The following ZNF326 variants were observed in gnomAD, a reference collection of about 807,000 sequenced individuals.
The protein encoded by ZNF326 is zinc finger protein 326, also known as DBIRD complex subunit ZNF326.
In ZNF326, 30 loss-of-function variants were observed where a neutral mutation model predicts 63.1. That is an observed-to-expected ratio of 0.48 (90% confidence interval 0.36 to 0.64). The LOEUF (loss-of-function observed/expected upper bound fraction) is 0.64. Ranked by LOEUF, ZNF326 falls within the 30% of genes least tolerant of loss-of-function variation. ZNF326 has a pLI of 0.00. For synonymous variants in ZNF326, 194 were observed against 228.2 expected, an observed-to-expected ratio of 0.85 and a Z score of 1.35; for missense variants, 609 against 720.3, an observed-to-expected ratio of 0.85 and a Z score of 1.77.
rs941512482 is a variant in ZNF326 at position 90,030,669 on chromosome 1, C to CT, written c.*2983dup. 0.034 allele frequency: 4,787 copies of CT among 141,520 alleles called. 77 individuals are homozygous for CT. The highest frequency in any genetic ancestry group is 0.043 in the Non-Finnish European group (2,759 of 64,476). The allele number at this position is 141,520 out of a possible 1,614,324, so 8.8% of individuals were successfully genotyped here. On this transcript the variant is annotated 3_prime_UTR_variant, in exon 12 of 12. Transcript: ENST00000340281. Reference sequence around the variant, plus strand: ...TCTTTGGAGGTGTTCTTTTTTTCTACTTTTTTTTTTTTTTTCTTTAGGTTC... The same window carrying CT: ...TCTTTGGAGGTGTTCTTTTTTTCTACTTTTTTTTTTTTTTTTCTTTAGGTTC...
chr1:90,010,348 T>C, intron 6 of ZNF326, 62 bp downstream of exon 6: 2 of 1,520,962 alleles, frequency 1.3e-6, no homozygotes, highest in Non-Finnish European at 1.8e-6. Flanking sequence ...AATTCCATAC[T>C]TTTTGGTAAT....
intron 1 of ZNF326, among the ~76,000 whole-genome samples, chr1:89,997,303 A>G (rs1648425273): frequency 6.6e-6 from 1 of 152,214 alleles, no homozygotes; most frequent in African/African-American, 2.4e-5. Context: ...GTTTTCAGTG[A>G]TGACACATTC....
At chr1:90,011,983 T>C (rs1321180627) in intron 6 of ZNF326, among the ~76,000 whole-genome samples, 1 of 152,086 alleles carries the variant, frequency 6.6e-6, no homozygotes, top group Non-Finnish European at 1.5e-5. Flanking sequence ...ACTACAGATG[T>C]GCACCACCAC....
intron 5 of ZNF326, among the ~76,000 whole-genome samples, chr1:90,009,754 G>C (rs1483562540): frequency 2.6e-5 from 4 of 152,112 alleles, no homozygotes; most frequent in Non-Finnish European, 5.9e-5. Flanking sequence ...CTGAAGAGGA[G>C]TTGTCAGAGA....
At position 90,007,770 on chromosome 1, in the gene ZNF326, T is replaced by C. The variant is rs1438646545; in HGVS notation, c.615+20T>C. On this transcript the variant is annotated intron_variant, in intron 5 of 11. Coordinates refer to ENST00000340281, the MANE Select transcript of ZNF326 (RefSeq NM_182976.4). The surrounding 1 kb of genome is among the most constrained non-coding windows in gnomAD (Gnocchi z 4.9). ...CGAGGAGTAAGTACAACAGAATCTTTTCAGATTCTTTTCACTAGTCACTCT... is the reference window on the plus strand; with the variant it reads ...CGAGGAGTAAGTACAACAGAATCTTCTCAGATTCTTTTCACTAGTCACTCT... 2.0e-6 allele frequency: 3 copies of C among 1,479,662 alleles called. No homozygotes were observed. The highest frequency in any genetic ancestry group is 2.7e-6 in the Non-Finnish European group (3 of 1,113,002). The allele number at this position is 1,479,662 out of a possible 1,614,324, so 91.7% of individuals were successfully genotyped here.
rs1300718766 is a variant in ZNF326, at chr1:90,027,683, G to T, written c.1731G>T (p.Glu577Asp). 1.2e-6 allele frequency: 2 copies of T among 1,613,976 alleles called. No homozygotes were observed. Among genetic ancestry groups the T allele is most frequent in the South Asian group, 2.2e-5 (2 of 91,072 alleles). Residue 577 changes from glutamate to aspartate, a missense_variant, in exon 12 of 12, where the codon GAG (glutamate) becomes GAT (aspartate). Physicochemically the swap from Glu to Asp is conservative, Grantham distance 45. This residue lies in a region of ZNF326 where 399 missense variants were observed against 444.3 expected (regional missense o/e 0.90). Transcript: ENST00000340281. ...AAGAACCTGCTGACTTCCCTGTTGA[G>T]CAACCTGAAGAAAATTAAATATAAG... ...AKEEPADFPV[E>D]QPEEN
At chr1:90,016,038 A>T (rs1649487710) in intron 7 of ZNF326, among the ~76,000 whole-genome samples, 1 of 152,140 alleles carries the variant, frequency 6.6e-6, no homozygotes, top group African/African-American at 2.4e-5. Context: ...TTTGGAGCTT[A>T]TGGAGCTAAT....
intron 2 of ZNF326, among the ~76,000 whole-genome samples, chr1:89,999,516 CTT>C (rs1436957822): frequency 2.0e-5 from 3 of 152,078 alleles, no homozygotes; most frequent in Admixed American, 6.5e-5. Flanking sequence ...TCTAATATGA[CTT>C]TTATTTTTTC....
At chr1:90,022,538 C>G (rs1048648628) in intron 11 of ZNF326, among the ~76,000 whole-genome samples, 193 bp downstream of exon 11, 1 of 152,146 alleles carries the variant, frequency 6.6e-6, no homozygotes, top group South Asian at 2.1e-4. Context: ...AGTGATTCCT[C>G]TCTTATCACC....
Position 90,034,879 on chromosome 1 carries a change from A to G in ZNF326, c.*7178A>G, listed in dbSNP as rs1421119377. On this transcript the variant is annotated 3_prime_UTR_variant, in exon 12 of 12. Coordinates refer to ENST00000340281, the MANE Select transcript of ZNF326 (RefSeq NM_182976.4). ...TTGAAACTGGTCATGTTGAAAAAAC[A>G]TGACCAATTAAATATCCCAAAATAA... 6.6e-6 allele frequency: 1 copy of G among 152,184 alleles called. No homozygotes were observed. Among genetic ancestry groups the G allele is most frequent in the Non-Finnish European group, 1.5e-5 (1 of 68,010 alleles). The allele number at this position is 152,184 out of a possible 1,614,324, so 9.4% of individuals were successfully genotyped here.
At chr1:90,017,876 G>C (rs2101081698) in intron 8 of ZNF326, among the ~76,000 whole-genome samples, 1 of 152,312 alleles carries the variant, frequency 6.6e-6, no homozygotes, top group South Asian at 2.1e-4. Context: ...TAATGTAGGA[G>C]TTTAGCAAAG....
chr1:90,024,313 A>G (rs1190993789), intron 11 of ZNF326, among the ~76,000 whole-genome samples: 2 of 152,208 alleles, frequency 1.3e-5, no homozygotes, highest in Non-Finnish European at 2.9e-5. Flanking sequence ...CTCCAACTGT[A>G]TCATCTTGTT....
rs1261286695 is a variant in ZNF326 at position 90,034,088 on chromosome 1, A to G, written c.*6387A>G. On this transcript the variant is annotated 3_prime_UTR_variant, in exon 12 of 12. Transcript: ENST00000340281. Reference sequence around the variant, plus strand: ...AAAAATCTCAAAATGTCTAAAGAGAAACAGTGTACCTATAAGGGGAAAAGA... The same window carrying G: ...AAAAATCTCAAAATGTCTAAAGAGAGACAGTGTACCTATAAGGGGAAAAGA... 6.6e-6 allele frequency: 1 copy of G among 152,168 alleles called. No individual in the cohort carries two copies. Among genetic ancestry groups the G allele is most frequent in the Non-Finnish European group, 1.5e-5 (1 of 67,998 alleles). 9.4% of individuals were successfully genotyped at this position (152,168 alleles called of 1,614,324 possible). A position where few individuals can be genotyped will look rare whatever the true frequency, so the allele number is the denominator to read the frequency against.
chr1:90,017,915 G>A (rs2101081760), intron 8 of ZNF326, among the ~76,000 whole-genome samples: 1 of 152,334 alleles, frequency 6.6e-6, no homozygotes, highest in African/African-American at 2.4e-5. Context: ...GTTAAGGAAT[G>A]CTTAAAGAAG....
chr1:90,007,193 C>T lies in ZNF326; in HGVS notation c.210-152C>T, dbSNP rs555126342. 1 of 683,922 alleles carries T rather than the reference C, an allele frequency of 1.5e-6. No homozygotes were observed. Among genetic ancestry groups the T allele is most frequent in the East Asian group, 2.8e-5 (1 of 35,172 alleles). The allele number at this position is 683,922 out of a possible 1,614,324, so 42.4% of individuals were successfully genotyped here. ...CTGGTCTCACGTTGAACTGCCCAGCCCTAATCAAATGTGAACAAAAGTAGA... is the reference window on the plus strand; with the variant it reads ...CTGGTCTCACGTTGAACTGCCCAGCTCTAATCAAATGTGAACAAAAGTAGA... On this transcript the variant is annotated intron_variant, in intron 4 of 11. Transcript: ENST00000340281. The surrounding 1 kb of genome is among the most constrained non-coding windows in gnomAD (Gnocchi z 4.9).
At chr1:90,005,465 A>C in intron 4 of ZNF326, 2 of 1,223,208 alleles carry the variant, frequency 1.6e-6, no homozygotes. Flanking sequence ...ATATCATGTC[A>C]ATATAATAGA....
rs1245787802 is a variant in ZNF326, at chr1:90,005,034, T to C, written c.93T>C (p.Tyr31=). The C allele has an allele frequency of 2.5e-6, 4 of 1,613,938 alleles. No homozygotes were observed. The highest frequency in any genetic ancestry group is 2.5e-6 in the Non-Finnish European group (3 of 1,180,010). ...ATCGTGATTATGGCCCTGGATCTTA[T>C]GGAGGTCTGACATTCAAGGATATTT... ...GMDRDYGPGS[Y]GGMDRDYGHG... Residue 31 remains tyrosine (Y), a synonymous_variant, in exon 3 of 12, where the codon TAT becomes TAC. Transcript: ENST00000340281.
At chr1:89,998,238 C>T in intron 2 of ZNF326, 84 bp downstream of exon 2, 1 of 1,350,090 alleles carries the variant, frequency 7.4e-7, no homozygotes, top group Non-Finnish European at 1.0e-6. Context: ...TATTTCAGTC[C>T]TTGTTTTGGT....
intron 2 of ZNF326, among the ~76,000 whole-genome samples, chr1:90,002,159 A>G (rs923229210): frequency 7.2e-5 from 11 of 152,184 alleles, no homozygotes; most frequent in African/African-American, 2.4e-4. Flanking sequence ...CTATAACTAC[A>G]CTGATTGTAT....
Sources: allele counts gnomAD v4.1 joint callset (sites outside exome capture counted in the v4.1 genomes callset), GRCh38; gene constraint gnomAD v4.1.1; regional missense constraint gnomAD v4.1.1; non-coding constraint Gnocchi (gnomAD v3.1); transcripts MANE v1.5; gene names NCBI Gene and HGNC (gene_info 2026-07-23, HGNC 2026-07-21).